TMEM144: variants seen among roughly 807,000 people sequenced by gnomAD.
TMEM144 encodes transmembrane protein 144.
A neutral mutation model predicts 43.6 loss-of-function variants in TMEM144; 39 were observed. The ratio of observed to expected loss-of-function variants is 0.90; its 90% CI spans 0.69 to 1.17. TMEM144 has a LOEUF of 1.17. Ranked by LOEUF, TMEM144 falls within the 50% of genes most tolerant of loss-of-function variation. TMEM144 has a pLI of 0.00. For missense variants in TMEM144, 417 were observed against 411.9 expected (o/e 1.01, Z -0.11); for synonymous variants, 154 against 133.6 (o/e 1.15, Z -1.06).
At chr4:158,216,535 G>GAATAATATTAAATAATTT (rs1292249669) in intron 4 of TMEM144, among the ~76,000 whole-genome samples, 2 of 152,134 alleles carry the variant, frequency 1.3e-5, no homozygotes, top group Non-Finnish European at 2.9e-5. Context: ...ATGGTTTGGA[G>GAATAATATTAAATAATTT]AATAATATTA....
Position 158,253,433 on chromosome 4 carries a change from T to C in TMEM144, c.955-11T>C. ...CCTTATTCATCACTGTTATTCTTTT[T>C]TCTTATTCAGGGTCTACAAAACTAC... On this transcript the variant is annotated splice_polypyrimidine_tract_variant and intron_variant, in intron 12 of 12. Transcript: ENST00000296529. The C allele has an allele frequency of 1.2e-6, 2 of 1,606,688 alleles. No individual in the cohort carries two copies. Among genetic ancestry groups the C allele is most frequent in the African/African-American group, 2.7e-5 (2 of 74,866 alleles).
rs892230674 is a variant in TMEM144, at chr4:158,253,584, C to T, written c.*57C>T. 3.0e-5 allele frequency: 42 copies of T among 1,393,894 alleles called. No individual in the cohort carries two copies. The highest frequency in any genetic ancestry group is 3.6e-4 in the Middle Eastern group (2 of 5,606). The allele number at this position is 1,393,894 out of a possible 1,614,324, so 86.3% of individuals were successfully genotyped here. On this transcript the variant is annotated 3_prime_UTR_variant, in exon 13 of 13. Transcript: ENST00000296529. ...TTAAGAGAACGCGTCTATCGGACAG[C>T]GGAGAGATCATGCTGAGAAAAGAGT...
intron 10 of TMEM144, 132 bp downstream of exon 10, chr4:158,240,550 G>A (rs1048849946): frequency 7.6e-6 from 7 of 918,066 alleles, no homozygotes; most frequent in African/African-American, 1.7e-5. Context: ...TTGTGTGTGT[G>A]TGTGTGTGCA....
intron 6 of TMEM144, among the ~76,000 whole-genome samples, chr4:158,225,892 G>A (rs1381274842): frequency 1.3e-5 from 2 of 152,340 alleles, no homozygotes; most frequent in East Asian, 1.9e-4. Context: ...GCAGGGTGCC[G>A]GACTTCGGGA....
intron 12 of TMEM144, among the ~76,000 whole-genome samples, chr4:158,245,969 T>C (rs1735874345): frequency 6.6e-6 from 1 of 151,704 alleles, no homozygotes; most frequent in Admixed American, 6.6e-5. Flanking sequence ...ATAAGAAAAC[T>C]CACAAAATCA....
intron 12 of TMEM144, among the ~76,000 whole-genome samples, chr4:158,247,639 T>C (rs1735957546): frequency 6.6e-6 from 1 of 152,046 alleles, no homozygotes; most frequent in African/African-American, 2.4e-5. Context: ...CTATTAATAA[T>C]AACCACAAAA....
intron 5 of TMEM144, among the ~76,000 whole-genome samples, chr4:158,217,743 C>A (rs1333007612): frequency 1.3e-5 from 2 of 152,138 alleles, no homozygotes; most frequent in East Asian, 3.8e-4. Flanking sequence ...ATCTCACTTT[C>A]ACAAATACGT....
intron 6 of TMEM144, among the ~76,000 whole-genome samples, chr4:158,230,203 C>CA (rs1560829113): frequency 6.6e-6 from 1 of 152,212 alleles, no homozygotes; most frequent in Non-Finnish European, 1.5e-5. Context: ...CATGCTCACT[C>CA]ACCAATTCCC....
At chr4:158,239,232 A>T (rs999195296) in intron 9 of TMEM144, among the ~76,000 whole-genome samples, 1 of 152,184 alleles carries the variant, frequency 6.6e-6, no homozygotes, top group Non-Finnish European at 1.5e-5. Context: ...AGGATTTAAG[A>T]CTTAGAGCAA....
At chr4:158,228,617 C>T (rs543467351) in intron 6 of TMEM144, among the ~76,000 whole-genome samples, 138 of 152,258 alleles carry the variant, frequency 9.1e-4, no homozygotes, top group Non-Finnish European at 1.5e-3. Flanking sequence ...TACCCGGGAG[C>T]GCTCTCAGGA....
chr4:158,243,708 C>G (rs184676631), intron 11 of TMEM144, among the ~76,000 whole-genome samples: 13 of 152,232 alleles, frequency 8.5e-5, no homozygotes, highest in Admixed American at 7.9e-4. Context: ...CCAGAAACCC[C>G]TATTGTTTTT....
intron 12 of TMEM144, among the ~76,000 whole-genome samples, chr4:158,251,460 A>G (rs372794286): frequency 3.7e-4 from 56 of 152,360 alleles, no homozygotes; most frequent in East Asian, 2.3e-3. Flanking sequence ...GGGTGGTCAC[A>G]GATTAGGAAA....
intron 11 of TMEM144, 147 bp downstream of exon 11, chr4:158,241,753 C>T (rs1220194479): frequency 6.7e-6 from 4 of 595,478 alleles, no homozygotes; most frequent in South Asian, 2.1e-5. Flanking sequence ...TAAACTGACC[C>T]TCTTGAATCT....
intron 4 of TMEM144, among the ~76,000 whole-genome samples, chr4:158,216,201 T>A (rs1734213164): frequency 6.6e-6 from 1 of 152,154 alleles, no homozygotes; most frequent in African/African-American, 2.4e-5. Context: ...CAGCTCTTTA[T>A]AGCCACCAGA....
chr4:158,252,349 A>T (rs1191703531), intron 12 of TMEM144, among the ~76,000 whole-genome samples: 1 of 152,082 alleles, frequency 6.6e-6, no homozygotes, highest in Non-Finnish European at 1.5e-5. Context: ...CTTCAGATCC[A>T]TCTCCATCTC....
chr4:158,216,829 C>CA (rs111451438), intron 4 of TMEM144, among the ~76,000 whole-genome samples: 3,057 of 132,956 alleles, frequency 0.023, 44 homozygotes, highest in Admixed American at 0.036. Context: ...GGACTTGAGA[C>CA]AAAAAAAAAA....
chr4:158,252,789 C>A (rs1213038841), intron 12 of TMEM144, among the ~76,000 whole-genome samples: 1 of 136,326 alleles, frequency 7.3e-6, no homozygotes, highest in Non-Finnish European at 1.5e-5. Context: ...GCCTAGGTGA[C>A]GGAGGGAGAC....
At position 158,254,435 on chromosome 4, in the gene TMEM144, G is replaced by GTTTTTT. The variant is rs5863316; in HGVS notation, c.*927_*932dup. Reference sequence around the variant, plus strand: ...GCAAAATAAAATGACAGGCATGCTAGTTTTTTTTTTTTTTTTTTTTTTTTA... The same window carrying GTTTTTT: ...GCAAAATAAAATGACAGGCATGCTAGTTTTTTTTTTTTTTTTTTTTTTTTTTTTTTA... On this transcript the variant is annotated 3_prime_UTR_variant, in exon 13 of 13. Coordinates refer to ENST00000296529, the MANE Select transcript of TMEM144 (RefSeq NM_018342.5). 2 of 120,756 alleles carry GTTTTTT rather than the reference G, an allele frequency of 1.7e-5. No individual in the cohort carries two copies. Among genetic ancestry groups the GTTTTTT allele is most frequent in the African/African-American group, 6.0e-5 (2 of 33,472 alleles). 7.5% of individuals were successfully genotyped at this position (120,756 alleles called of 1,614,324 possible). A position where few individuals can be genotyped will look rare whatever the true frequency, so the allele number is the denominator to read the frequency against.
Position 158,253,794 on chromosome 4 carries a change from A to G in TMEM144, c.*267A>G. 2.5e-6 allele frequency: 1 copy of G among 406,030 alleles called. No individual in the cohort carries two copies. Among genetic ancestry groups the G allele is most frequent in the South Asian group, 2.5e-5 (1 of 39,630 alleles). The allele number at this position is 406,030 out of a possible 1,614,324, so 25.2% of individuals were successfully genotyped here. A position where few individuals can be genotyped will look rare whatever the true frequency, so the allele number is the denominator to read the frequency against. ...ACTAAAATGTCTACATTATTATAGC[A>G]TTACATACGAGGATGCTCTTTTTAC... On this transcript the variant is annotated 3_prime_UTR_variant, in exon 13 of 13. Coordinates refer to ENST00000296529, the MANE Select transcript of TMEM144 (RefSeq NM_018342.5).
Sources: allele counts gnomAD v4.1 joint callset (sites outside exome capture counted in the v4.1 genomes callset), GRCh38; gene constraint gnomAD v4.1.1; transcripts MANE v1.5; gene names NCBI Gene and HGNC (gene_info 2026-07-23, HGNC 2026-07-21).